Variants in TMEM204 observed in about 807,000 individuals in gnomAD.
The protein encoded by TMEM204 is transmembrane protein 204.
Under a neutral mutation model 19.4 loss-of-function variants are expected in TMEM204, and 15 were observed. That is an observed-to-expected ratio of 0.77 (90% confidence interval 0.52 to 1.19). The LOEUF (loss-of-function observed/expected upper bound fraction) is 1.19, where lower values mean the gene tolerates loss of function less well. Among genes scored for constraint, TMEM204 ranks in the 50% most tolerant of loss-of-function variants. TMEM204 has a pLI of 0.00. For missense variants in TMEM204, 287 were observed against 321.2 expected, an observed-to-expected ratio of 0.89 and a Z score of 0.81; for synonymous variants, 161 against 146.0, an observed-to-expected ratio of 1.10 and a Z score of -0.74.
chr16:1,544,019 C>CTTTTT (rs768616715), intron 2 of TMEM204, among the ~76,000 whole-genome samples: 2 of 140,044 alleles, frequency 1.4e-5, no homozygotes. Context: ...CACTACATTT[C>CTTTTT]TTTTTTTTTT....
chr16:1,531,242 A>G (rs771693221), upstream of TMEM204: 11 of 152,174 alleles, frequency 7.2e-5, no homozygotes, highest in Non-Finnish European at 1.2e-4. This position sits in a 1 kb window ranked among gnomAD's most constrained non-coding sequence, Gnocchi z 4.7. Flanking sequence ...CTGTGGAGTC[A>G]CCCACATCTG....
At chr16:1,530,050 G>A (rs536393001), upstream of TMEM204, among the ~76,000 whole-genome samples, 12 of 152,010 alleles carry the variant, frequency 7.9e-5, no homozygotes, top group East Asian at 1.9e-4. Context: ...TGCGTGAGGC[G>A]TGATGGCCGC....
At chr16:1,545,852 C>T (rs961888414) in intron 2 of TMEM204, among the ~76,000 whole-genome samples, 5 of 152,218 alleles carry the variant, frequency 3.3e-5, no homozygotes, top group East Asian at 1.9e-4. Flanking sequence ...ATGCTCAGCA[C>T]GACGTCTGGG....
At chr16:1,536,569 C>A (rs1176250393) in intron 1 of TMEM204, among the ~76,000 whole-genome samples, 5 of 152,228 alleles carry the variant, frequency 3.3e-5, no homozygotes, top group African/African-American at 4.8e-5. Context: ...AAACGGGACT[C>A]AGCTCAGGAA....
At position 1,555,139 on chromosome 16, in the gene TMEM204, G is replaced by A. The variant is rs2032988355; in HGVS notation, c.*113G>A. 14 of 1,371,440 alleles carry A rather than the reference G, an allele frequency of 1.0e-5. No individual in the cohort carries two copies. In the South Asian group the frequency reaches 2.0e-4, roughly 19 times the overall value. The allele number at this position is 1,371,440 out of a possible 1,614,324, so 85.0% of individuals were successfully genotyped here. A position where few individuals can be genotyped will look rare whatever the true frequency, so the allele number is the denominator to read the frequency against. On this transcript the variant is annotated 3_prime_UTR_variant, in exon 3 of 3. Transcript: ENST00000566264. The stretch of plus-strand genomic sequence containing the variant: ...CTGCTCGTGCAGAGGCACGGGATGA[G>A]TCTGGGTGACCTCTGCGCCATGCGT...
Position 1,534,556 on chromosome 16 carries a change from G to A in TMEM204, c.280+1G>A, listed in dbSNP as rs201752158. The A allele has an allele frequency of 6.2e-7, 1 of 1,602,236 alleles. No homozygotes were observed. Among genetic ancestry groups the A allele is most frequent in the Middle Eastern group, 1.7e-4 (1 of 6,060 alleles). The stretch of plus-strand genomic sequence containing the variant: ...CAGGAGTCCCGAGGCACCGTCAAAC[G>A]TAAGTCCAATTGTTTTCCTGATGCC... On this transcript the variant is annotated splice_donor_variant, in intron 1 of 2. Coordinates refer to ENST00000566264, the MANE Select transcript of TMEM204 (RefSeq NM_024600.6). LOFTEE classifies it high-confidence loss of function.
At chr16:1,540,256 G>A (rs1369633613) in intron 1 of TMEM204, among the ~76,000 whole-genome samples, 1 of 152,240 alleles carries the variant, frequency 6.6e-6, no homozygotes, top group African/African-American at 2.4e-5. Flanking sequence ...GTTATTCTGT[G>A]AATCCAGATT....
At chr16:1,538,174 C>CAGGGCGGT (rs1405758681) in intron 1 of TMEM204, among the ~76,000 whole-genome samples, 2 of 152,180 alleles carry the variant, frequency 1.3e-5, no homozygotes, top group Non-Finnish European at 2.9e-5. Context: ...TCCTTCCTGG[C>CAGGGCGGT]AGGGCGGTGG....
intron 2 of TMEM204, among the ~76,000 whole-genome samples, chr16:1,545,889 C>G (rs1315670688): frequency 6.6e-6 from 1 of 152,230 alleles, no homozygotes; most frequent in Non-Finnish European, 1.5e-5. Flanking sequence ...CCTCCTCGCC[C>G]CTCAAGGCTC....
At chr16:1,534,693 G>A (rs1225067267) in intron 1 of TMEM204, 138 bp downstream of exon 1, 37 of 1,286,428 alleles carry the variant, frequency 2.9e-5, no homozygotes, top group Non-Finnish European at 3.9e-5. Context: ...TGGGCAGGCA[G>A]GAGGGGGCAC....
intron 1 of TMEM204, among the ~76,000 whole-genome samples, chr16:1,537,251 G>C (rs1223818322): frequency 6.6e-6 from 1 of 151,996 alleles, no homozygotes; most frequent in Non-Finnish European, 1.5e-5. Flanking sequence ...GCCACACCGC[G>C]TGCCTCCTCA....
intron 2 of TMEM204, among the ~76,000 whole-genome samples, chr16:1,544,688 G>T (rs1425578138): frequency 6.6e-6 from 1 of 151,174 alleles, no homozygotes; most frequent in Non-Finnish European, 1.5e-5. Context: ...TCGCCCTGTG[G>T]CCCAGGCTGG....
At chr16:1,543,680 G>A (rs950769067) in intron 2 of TMEM204, among the ~76,000 whole-genome samples, 1 of 152,224 alleles carries the variant, frequency 6.6e-6, no homozygotes, top group Non-Finnish European at 1.5e-5. Context: ...TGGGACCTAG[G>A]ACTGACTCCG....
At chr16:1,539,820 T>C (rs2031457142) in intron 1 of TMEM204, among the ~76,000 whole-genome samples, 1 of 152,198 alleles carries the variant, frequency 6.6e-6, no homozygotes, top group African/African-American at 2.4e-5. Context: ...GGAAGGCTCA[T>C]GGTGCCATGT....
Position 1,553,119 on chromosome 16 carries a change from G to C in TMEM204, c.437-1663G>C, listed in dbSNP as rs1476451033. On this transcript the variant is annotated intron_variant, in intron 2 of 2. Coordinates refer to ENST00000566264, the MANE Select transcript of TMEM204 (RefSeq NM_024600.6). This position sits in a 1 kb window ranked among gnomAD's most constrained non-coding sequence, Gnocchi z 4.4. ...CATACTTTCTGGAGGGTACAGTGAT[G>C]ATGAAAAGATAATGCTTGGGTTTTT... 2 of 985,316 alleles carry C rather than the reference G, an allele frequency of 2.0e-6. No individual in the cohort carries two copies. The highest frequency in any genetic ancestry group is 3.5e-5 in the African/African-American group (2 of 57,226). The allele number at this position is 985,316 out of a possible 1,614,324, so 61.0% of individuals were successfully genotyped here.
rs2032807675 is a variant in TMEM204 at position 1,553,121 on chromosome 16, T to C, written c.437-1661T>C. The C allele has an allele frequency of 2.0e-6, 2 of 985,286 alleles. No individual in the cohort carries two copies. The highest frequency in any genetic ancestry group is 4.7e-5 in the South Asian group (1 of 21,298). The allele number at this position is 985,286 out of a possible 1,614,324, so 61.0% of individuals were successfully genotyped here. ...TACTTTCTGGAGGGTACAGTGATGA[T>C]GAAAAGATAATGCTTGGGTTTTTAG... On this transcript the variant is annotated intron_variant, in intron 2 of 2. Transcript: ENST00000566264. This position sits in a 1 kb window ranked among gnomAD's most constrained non-coding sequence, Gnocchi z 4.4.
chr16:1,548,369 C>T (rs2032347116), intron 2 of TMEM204, among the ~76,000 whole-genome samples: 1 of 152,188 alleles, frequency 6.6e-6, no homozygotes, highest in Non-Finnish European at 1.5e-5. Flanking sequence ...GAAGCTGAAG[C>T]CCCAAGAAGC....
At chr16:1,552,070 C>T (rs2032693143) in intron 2 of TMEM204, among the ~76,000 whole-genome samples, 1 of 152,186 alleles carries the variant, frequency 6.6e-6, no homozygotes, top group South Asian at 2.1e-4. Context: ...ATGGGGGGCA[C>T]AATCCCTTTC....
rs566532614 is a variant in TMEM204, at chr16:1,553,773, C to A, written c.437-1009C>A. The A allele has an allele frequency of 2.0e-5, 23 of 1,177,820 alleles. No individual in the cohort carries two copies. In the African/African-American group the frequency reaches 3.5e-4, roughly 18 times the overall value. The allele number at this position is 1,177,820 out of a possible 1,614,324, so 73.0% of individuals were successfully genotyped here. On this transcript the variant is annotated intron_variant, in intron 2 of 2. Transcript: ENST00000566264. This position sits in a 1 kb window ranked among gnomAD's most constrained non-coding sequence, Gnocchi z 4.4. ...ATGAGGAGGGGCAGGGCCATGTGGA[C>A]AGCCTCTCCTCCATCCTAGAGCCTA...
Sources: gnomAD v4.1 joint callset for allele counts (sites outside exome capture counted in the v4.1 genomes callset) on GRCh38, gnomAD v4.1.1 for gene constraint, Gnocchi (gnomAD v3.1) non-coding constraint, MANE v1.5 for transcripts, NCBI Gene and HGNC (gene_info 2026-07-23, HGNC 2026-07-21) for gene names.